FER: variants seen among roughly 807,000 people sequenced by gnomAD.
FER encodes FER tyrosine kinase.
Under a neutral mutation model 111.0 loss-of-function variants are expected in FER, and 63 were observed. The observed-to-expected ratio is 0.57, with a 90% confidence interval of 0.46 to 0.70. FER has a LOEUF of 0.70. Ranked by LOEUF, FER falls within the 30% of genes least tolerant of loss-of-function variation. The probability of loss-of-function intolerance (pLI) is 0.00; values close to 1 mark genes in which losing one functional copy is unlikely to be tolerated. For synonymous variants in FER, 327 were observed against 313.9 expected, an observed-to-expected ratio of 1.04 and a Z score of -0.44; for missense variants, 914 against 954.0, an observed-to-expected ratio of 0.96 and a Z score of 0.55.
chr5:108,809,389 AC>A (rs1470569302), intron 3 of FER, among the ~76,000 whole-genome samples: 1 of 151,704 alleles, frequency 6.6e-6, no homozygotes, highest in East Asian at 1.9e-4. Context: ...GTCTTTTGAA[AC>A]TCCTTAAGTG....
chr5:108,758,396 A>G (rs1751355799), intron 1 of FER, among the ~76,000 whole-genome samples: 1 of 152,218 alleles, frequency 6.6e-6, no homozygotes, highest in Non-Finnish European at 1.5e-5. Flanking sequence ...AGTTCAAACT[A>G]AGGGTGATAA....
chr5:108,789,552 C>T (rs560914356), intron 2 of FER, among the ~76,000 whole-genome samples: 2 of 151,946 alleles, frequency 1.3e-5, no homozygotes, highest in South Asian at 4.1e-4. Context: ...GCAATAACAA[C>T]AACAAAAACC....
Position 109,051,432 on chromosome 5 carries a change from A to T in FER, c.1924+4234A>T. 1.9e-6 allele frequency: 3 copies of T among 1,612,854 alleles called. No individual in the cohort carries two copies. The South Asian group carries it at 3.3e-5, about 18-fold the overall frequency. ...CATGTCCAGCAGCTAGTTTTTTAGA[A>T]TTCTGGTTATCATCGGGGAAATCAA... On this transcript the variant is annotated intron_variant, in intron 16 of 19. Coordinates refer to ENST00000281092, the MANE Select transcript of FER (RefSeq NM_005246.4).
intron 16 of FER, among the ~76,000 whole-genome samples, chr5:109,058,472 A>T (rs901927990): frequency 2.0e-5 from 3 of 152,068 alleles, no homozygotes; most frequent in Non-Finnish European, 4.4e-5. Flanking sequence ...CTGTAGTATT[A>T]TAAGATTATG....
intron 13 of FER, among the ~76,000 whole-genome samples, chr5:108,982,391 G>A (rs1762105776): frequency 6.6e-6 from 1 of 151,920 alleles, no homozygotes; most frequent in Non-Finnish European, 1.5e-5. Flanking sequence ...ATTTATCAGG[G>A]ACTAGGCTGG....
intron 8 of FER, among the ~76,000 whole-genome samples, chr5:108,881,395 G>T (rs1765659105): frequency 6.6e-6 from 1 of 152,080 alleles, no homozygotes; most frequent in South Asian, 2.1e-4. Flanking sequence ...CAGATTTCAT[G>T]AGACTTACTC....
intron 13 of FER, among the ~76,000 whole-genome samples, chr5:109,020,101 T>C (rs867501590): frequency 2.0e-5 from 3 of 152,012 alleles, no homozygotes; most frequent in African/African-American, 7.2e-5. Flanking sequence ...TGATTGGCTT[T>C]CTGAAAATTA....
At chr5:108,865,684 C>T (rs1206445529) in intron 5 of FER, among the ~76,000 whole-genome samples, 4 of 152,154 alleles carry the variant, frequency 2.6e-5, no homozygotes, top group Non-Finnish European at 5.9e-5. Context: ...GCAATCTACT[C>T]ATCTGACAAA....
intron 9 of FER, among the ~76,000 whole-genome samples, chr5:108,883,936 CAG>C (rs982580707): frequency 6.6e-6 from 1 of 151,958 alleles, no homozygotes. Flanking sequence ...GATGAGAAAA[CAG>C]ATAAAAATCA....
intron 13 of FER, among the ~76,000 whole-genome samples, chr5:109,020,068 C>T (rs956966215): frequency 9.9e-5 from 15 of 152,036 alleles, no homozygotes; most frequent in East Asian, 5.8e-4. Flanking sequence ...CCTCTTAACA[C>T]GCCCACCAGA....
chr5:109,140,495 G>A (rs757223631), intron 17 of FER, among the ~76,000 whole-genome samples: 1 of 152,084 alleles, frequency 6.6e-6, no homozygotes, highest in Non-Finnish European at 1.5e-5. Context: ...ACAAAATTAG[G>A]AAAGACCTAT....
In FER at chr5:109,192,810, CAT is replaced by C. The variant is rs1759469073; in HGVS notation, c.*5237_*5238del. 2.0e-5 allele frequency: 3 copies of C among 152,158 alleles called. No individual in the cohort carries two copies. The highest frequency in any genetic ancestry group is 1.3e-4 in the Admixed American group (2 of 15,282). The allele number at this position is 152,158 out of a possible 1,614,324, so 9.4% of individuals were successfully genotyped here. On this transcript the variant is annotated 3_prime_UTR_variant, in exon 20 of 20. Coordinates refer to ENST00000281092, the MANE Select transcript of FER (RefSeq NM_005246.4). ...TATGATGAGAGCTACTGTGGGGAAA[CAT>C]AGTATTCAACAGAGAAATGGAAGAA...
At chr5:108,779,314 T>G (rs1424964106) in intron 2 of FER, among the ~76,000 whole-genome samples, 3 of 136,002 alleles carry the variant, frequency 2.2e-5, no homozygotes, top group Non-Finnish European at 3.3e-5. Flanking sequence ...ATCTATTTAC[T>G]GATCTACACA....
At chr5:108,894,847 G>A (rs572470842) in intron 9 of FER, among the ~76,000 whole-genome samples, 78 of 152,094 alleles carry the variant, frequency 5.1e-4, no homozygotes, top group African/African-American at 1.8e-3. Context: ...ACGTACTGCC[G>A]CGAGAACAGC....
intron 8 of FER, among the ~76,000 whole-genome samples, chr5:108,879,716 A>ATG (rs1765488995): frequency 7.2e-6 from 1 of 139,370 alleles, no homozygotes; most frequent in African/African-American, 2.7e-5. Context: ...ATATATATAT[A>ATG]TATATATATT....
chr5:109,172,612 T>C (rs1299962122), intron 17 of FER, among the ~76,000 whole-genome samples: 1 of 151,784 alleles, frequency 6.6e-6, no homozygotes, highest in Admixed American at 6.6e-5. Flanking sequence ...TGTGCACATG[T>C]ACCCTAAAAC....
In FER at chr5:109,178,584, C is replaced by T. The variant is rs546540654; in HGVS notation, c.2049-2163C>T. 3.9e-5 allele frequency among the ~76,000 whole-genome samples: 6 copies of T among 152,284 alleles called. No individual in the cohort carries two copies. The East Asian group carries it at 1.2e-3, about 29-fold the overall frequency. ...GAGTTGGGAGGTGCATACTATATTGCCATTGTACCTCTGCCAAAAAAATTA... is the reference window on the plus strand; with the variant it reads ...GAGTTGGGAGGTGCATACTATATTGTCATTGTACCTCTGCCAAAAAAATTA... On this transcript the variant is annotated intron_variant, in intron 17 of 19. Coordinates refer to ENST00000281092, the MANE Select transcript of FER (RefSeq NM_005246.4).
intron 13 of FER, among the ~76,000 whole-genome samples, chr5:108,976,158 G>A (rs907044621): frequency 6.6e-6 from 1 of 152,058 alleles, no homozygotes; most frequent in African/African-American, 2.4e-5. Context: ...AGAAGAGGAG[G>A]CTCCATTGGT....
At position 108,871,449 on chromosome 5, in the gene FER, G is replaced by T. The variant is rs752216654; in HGVS notation, c.750G>T (p.Ser250=). 2.5e-6 allele frequency: 4 copies of T among 1,611,328 alleles called. No individual in the cohort carries two copies. The East Asian group carries it at 6.7e-5, about 27-fold the overall frequency. Residue 250 remains serine, a synonymous_variant, in exon 7 of 20, where the codon TCG becomes TCT. Coordinates refer to ENST00000281092, the MANE Select transcript of FER (RefSeq NM_005246.4). The stretch of plus-strand genomic sequence containing the variant: ...ATGTCCATAAAGAGATTCAAATGTC[G>T]GTTGAACAGATAGATCCTAGTACAG... ...IVNVHKEIQM[S]VEQIDPSTEY... is the part of the protein sequence containing the mutation.
Sources: gnomAD v4.1 joint callset for allele counts (sites outside exome capture counted in the v4.1 genomes callset) on GRCh38, gnomAD v4.1.1 for gene constraint, MANE v1.5 for transcripts, NCBI Gene and HGNC (gene_info 2026-07-23, HGNC 2026-07-21) for gene names.